CPE: variants seen among roughly 807,000 people sequenced by gnomAD.
CPE encodes the protein carboxypeptidase E.
A neutral mutation model predicts 53.5 loss-of-function variants in CPE; 17 were observed. The ratio of observed to expected loss-of-function variants is 0.32; its 90% CI spans 0.22 to 0.48. The LOEUF is 0.48. Among genes scored for constraint, CPE ranks in the 20% least tolerant of loss-of-function variants. The pLI, the probability that CPE is intolerant of heterozygous loss-of-function variation, is 0.99. For synonymous variants in CPE, 226 were observed against 228.8 expected (o/e 0.99, Z 0.11); for missense variants, 524 against 614.7 (o/e 0.85, Z 1.56).
At chr4:165,497,485 T>C in intron 8 of CPE, 27 bp from the exon 9 acceptor site, 2 of 1,315,164 alleles carry the variant, frequency 1.5e-6, no homozygotes, top group Non-Finnish European at 2.0e-6. Flanking sequence ...AGTTTGATAA[T>C]AATATGTTCT....
chr4:165,494,928 T>C (rs867801825), intron 7 of CPE, among the ~76,000 whole-genome samples: 2 of 152,170 alleles, frequency 1.3e-5, no homozygotes, highest in Admixed American at 6.5e-5. Flanking sequence ...CTCTTCAAAG[T>C]GTGGCCTCTG....
At chr4:165,416,280 C>A (rs1320599875) in intron 1 of CPE, among the ~76,000 whole-genome samples, 3 of 152,236 alleles carry the variant, frequency 2.0e-5, no homozygotes, top group Non-Finnish European at 4.4e-5. Flanking sequence ...CTGGCCCTGA[C>A]TCTGCCTACC....
At position 165,379,176 on chromosome 4, in the gene CPE, G is replaced by C. The variant is rs1277620760; in HGVS notation, c.-46G>C. 2 of 1,219,616 alleles carry C rather than the reference G, an allele frequency of 1.6e-6. No homozygotes were observed. Among genetic ancestry groups the C allele is most frequent in the Non-Finnish European group, 2.0e-6 (2 of 981,516 alleles). The allele number at this position is 1,219,616 out of a possible 1,614,324, so 75.5% of individuals were successfully genotyped here. Reference sequence around the variant, plus strand: ...AGCCCAGGGCCGGGCAGACAAAAGAGGCCGCCCGCGTAGGAAGGCACGGCC... The same window carrying C: ...AGCCCAGGGCCGGGCAGACAAAAGACGCCGCCCGCGTAGGAAGGCACGGCC... On this transcript the variant is annotated 5_prime_UTR_variant, in exon 1 of 9. Coordinates refer to ENST00000402744, the MANE Select transcript of CPE (RefSeq NM_001873.4). This position sits in a 1 kb window ranked among gnomAD's most constrained non-coding sequence, Gnocchi z 6.0.
At chr4:165,460,930 A>G (rs1731987108) in intron 1 of CPE, among the ~76,000 whole-genome samples, 1 of 151,942 alleles carries the variant, frequency 6.6e-6, no homozygotes, top group African/African-American at 2.4e-5. Context: ...AAATAACTAC[A>G]TTGATGAATG....
At chr4:165,440,421 C>T (rs66980054) in intron 1 of CPE, among the ~76,000 whole-genome samples, 21,819 of 146,476 alleles carry the variant, frequency 0.15, 2,288 homozygotes, top group African/African-American at 0.27. Context: ...GTTTCAGAAT[C>T]CCCTTAGCTG....
chr4:165,442,019 G>GTTTT (rs1388736727), intron 1 of CPE, among the ~76,000 whole-genome samples: 3 of 94,174 alleles, frequency 3.2e-5, no homozygotes, highest in Admixed American at 1.0e-4. Context: ...AAGACGGTGA[G>GTTTT]TTTGTTTTTT....
chr4:165,423,522 A>G (rs1000234274), intron 1 of CPE, among the ~76,000 whole-genome samples: 1 of 151,974 alleles, frequency 6.6e-6, no homozygotes, highest in African/African-American at 2.4e-5. Context: ...AAATTTATCA[A>G]AATTTCCCTA....
chr4:165,486,754 TC>T (rs1293156408), intron 5 of CPE, among the ~76,000 whole-genome samples: 1 of 152,144 alleles, frequency 6.6e-6, no homozygotes, highest in Non-Finnish European at 1.5e-5. Flanking sequence ...AAATGCACAT[TC>T]CCCACATTTT....
chr4:165,406,222 AG>A, intron 1 of CPE: 1 of 663,594 alleles, frequency 1.5e-6, no homozygotes, highest in Non-Finnish European at 2.9e-6. Context: ...TTGACTCCAT[AG>A]TTAATATGGG....
At chr4:165,404,012 G>T (rs1560871410) in intron 1 of CPE, 36 of 757,440 alleles carry the variant, frequency 4.8e-5, no homozygotes, top group Non-Finnish European at 8.1e-5. Context: ...TGGAGAACCA[G>T]CACTGCCGGC....
chr4:165,388,665 G>C (rs1297181241), intron 1 of CPE, among the ~76,000 whole-genome samples: 3 of 152,194 alleles, frequency 2.0e-5, no homozygotes, highest in African/African-American at 7.2e-5. Context: ...GGGGTTGAAG[G>C]CTTCTCTATC....
At chr4:165,462,451 A>G (rs1217255862) in intron 1 of CPE, among the ~76,000 whole-genome samples, 1 of 151,650 alleles carries the variant, frequency 6.6e-6, no homozygotes, top group East Asian at 1.9e-4. Flanking sequence ...GGAAGGGAGC[A>G]GGACCAAAAT....
At chr4:165,492,437 C>T (rs1201920017) in intron 6 of CPE, among the ~76,000 whole-genome samples, 2 of 152,114 alleles carry the variant, frequency 1.3e-5, no homozygotes, top group African/African-American at 4.8e-5. Flanking sequence ...GAACTTTACA[C>T]ATATTGGAGC....
In CPE at chr4:165,386,113, C is replaced by T. The variant is rs57417553; in HGVS notation, c.307+6585C>T. 2.1e-5 allele frequency: 8 copies of T among 382,858 alleles called. No individual in the cohort carries two copies. The East Asian group carries it at 5.8e-4, about 28-fold the overall frequency. The allele number at this position is 382,858 out of a possible 1,614,324, so 23.7% of individuals were successfully genotyped here. ...CAAGTCAATTAACTTCTCTCTATCTCCCAAATTCATCACCTATGAAATGAC... is the reference window on the plus strand; with the variant it reads ...CAAGTCAATTAACTTCTCTCTATCTTCCAAATTCATCACCTATGAAATGAC... On this transcript the variant is annotated intron_variant, in intron 1 of 8. Coordinates refer to ENST00000402744, the MANE Select transcript of CPE (RefSeq NM_001873.4).
intron 1 of CPE, among the ~76,000 whole-genome samples, chr4:165,380,769 T>G (rs2126649205): frequency 6.6e-6 from 1 of 152,344 alleles, no homozygotes; most frequent in East Asian, 1.9e-4. Flanking sequence ...ATTTCTTACC[T>G]TCAAATAATA....
chr4:165,468,613 C>T (rs962621304), intron 3 of CPE, among the ~76,000 whole-genome samples: 5 of 152,204 alleles, frequency 3.3e-5, no homozygotes, highest in African/African-American at 1.2e-4. Flanking sequence ...GTTACCACCT[C>T]TCAGCGATTT....
intron 1 of CPE, among the ~76,000 whole-genome samples, chr4:165,414,078 T>C (rs929244124): frequency 1.3e-5 from 2 of 152,216 alleles, no homozygotes; most frequent in African/African-American, 4.8e-5. Flanking sequence ...AAGATTTGTA[T>C]GTATTTTCCT....
intron 1 of CPE, among the ~76,000 whole-genome samples, chr4:165,417,557 AT>A (rs59056653): frequency 0.02 from 3,062 of 149,712 alleles, 84 homozygotes; most frequent in African/African-American, 0.067. Context: ...TATTGGCAGT[AT>A]TTTTTTTTTT....
intron 1 of CPE, among the ~76,000 whole-genome samples, chr4:165,401,476 A>G (rs1461051192): frequency 6.6e-6 from 1 of 152,206 alleles, no homozygotes; most frequent in African/African-American, 2.4e-5. Context: ...CTTAAAGAAG[A>G]AAGTCTTTAT....
Sources: gnomAD v4.1 joint callset for allele counts (sites outside exome capture counted in the v4.1 genomes callset) on GRCh38, gnomAD v4.1.1 for gene constraint, Gnocchi (gnomAD v3.1) non-coding constraint, MANE v1.5 for transcripts, NCBI Gene and HGNC (gene_info 2026-07-23, HGNC 2026-07-21) for gene names.